The following FBXL13 variants were observed in gnomAD, a reference collection of about 807,000 sequenced individuals.
FBXL13 encodes the protein F-box and leucine rich repeat protein 13.
In FBXL13, 67 loss-of-function variants were observed where a neutral mutation model predicts 83.6. That is an observed-to-expected ratio of 0.80 (90% CI 0.66 to 0.98). The LOEUF is 0.98. FBXL13 is among the 50% of genes least tolerant of loss of function. FBXL13 has a pLI of 0.00. For missense variants in FBXL13, 822 were observed against 866.5 expected, an observed-to-expected ratio of 0.95 and a Z score of 0.64; for synonymous variants, 272 against 299.5, an observed-to-expected ratio of 0.91 and a Z score of 0.95.
chr7:103,004,406 C>A, intron 6 of FBXL13, among the ~76,000 whole-genome samples: 1 of 152,192 alleles, frequency 6.6e-6, no homozygotes, highest in Non-Finnish European at 1.5e-5. Flanking sequence ...GGTTTGTGCC[C>A]AGAGGACCCA....
chr7:102,825,801 C>T (rs188353965), intron 18 of FBXL13, among the ~76,000 whole-genome samples: 237 of 152,122 alleles, frequency 1.6e-3, no homozygotes, highest in African/African-American at 5.5e-3. Flanking sequence ...GGATCTTTTC[C>T]CACATTGTTT....
chr7:102,866,298 A>G (rs540139117), intron 16 of FBXL13, among the ~76,000 whole-genome samples: 2 of 152,264 alleles, frequency 1.3e-5, no homozygotes, highest in East Asian at 3.9e-4. Context: ...CAGTGTTTTT[A>G]GTAGGCACTT....
chr7:103,020,723 T>C (rs11981275), intron 6 of FBXL13, among the ~76,000 whole-genome samples: 1,687 of 152,170 alleles, frequency 0.011, 35 homozygotes, highest in African/African-American at 0.039. Flanking sequence ...TGAGTGAACT[T>C]CCATTCACAA....
At chr7:102,879,586 A>G (rs1313904034) in intron 14 of FBXL13, among the ~76,000 whole-genome samples, 1 of 152,162 alleles carries the variant, frequency 6.6e-6, no homozygotes, top group Non-Finnish European at 1.5e-5. Context: ...TATCAAAAGT[A>G]TCCATGCTGT....
intron 11 of FBXL13, among the ~76,000 whole-genome samples, chr7:102,904,372 A>T (rs1813418227): frequency 6.6e-6 from 1 of 150,740 alleles, no homozygotes; most frequent in South Asian, 2.1e-4. Context: ...ATTTATTTGG[A>T]TCTTCTCTCT....
At chr7:102,964,023 C>T (rs1294575553) in intron 7 of FBXL13, among the ~76,000 whole-genome samples, 1 of 152,126 alleles carries the variant, frequency 6.6e-6, no homozygotes, top group Non-Finnish European at 1.5e-5. Context: ...ATTGAAACCA[C>T]AATGAGGTCG....
At position 102,938,729 on chromosome 7, in the gene FBXL13, T is replaced by C. The variant is rs532899134; in HGVS notation, c.725-6796A>G. Among the ~76,000 whole-genome samples the C allele has an allele frequency of 2.0e-5, 3 of 152,332 alleles. 1 individual carries two copies. In the South Asian group the frequency reaches 6.2e-4, roughly 32 times the overall value. Reference sequence around the variant, plus strand: ...AAACACTTTGCATCAATATTTGCAATATTTGCAATTCTCATTGAAGTTCTA... The same window carrying C: ...AAACACTTTGCATCAATATTTGCAACATTTGCAATTCTCATTGAAGTTCTA... On this transcript the variant is annotated intron_variant, in intron 8 of 19. Coordinates refer to ENST00000313221, the Ensembl canonical transcript of FBXL13.
intron 1 of FBXL13, among the ~76,000 whole-genome samples, chr7:103,064,002 T>G (rs1205605095): frequency 6.6e-6 from 1 of 152,226 alleles, no homozygotes; most frequent in African/African-American, 2.4e-5. Flanking sequence ...TTTAACCCAG[T>G]GGCTTACTGA....
Position 103,060,047 on chromosome 7 carries a change from T to TACATATATATATACAC in FBXL13, c.-104-4301_-104-4300insGTGTATATATATATGT, listed in dbSNP as rs1563286524. ...ATATATATATATATATATATATATA[T>TACATATATATATACAC]ATATATATATATATATACTTTTTTT... is the stretch of plus-strand genomic sequence containing the variant. On this transcript the variant is annotated intron_variant, in intron 1 of 19. Coordinates refer to ENST00000313221, the Ensembl canonical transcript of FBXL13. 1.0e-3 allele frequency among the ~76,000 whole-genome samples: 107 copies of TACATATATATATACAC among 103,164 alleles called. 3 individuals carry two copies. The highest frequency in any genetic ancestry group is 4.4e-3 in the African/African-American group (106 of 23,988). The allele number at this position is 103,164 out of a possible 152,430, so 67.7% of individuals were successfully genotyped here.
chr7:103,033,012 AGAGT>A (rs1159229862), intron 2 of FBXL13, among the ~76,000 whole-genome samples: 1 of 152,138 alleles, frequency 6.6e-6, no homozygotes, highest in Non-Finnish European at 1.5e-5. Flanking sequence ...CCTGGGCAAC[AGAGT>A]GAGACTCTCT....
intron 8 of FBXL13, chr7:102,934,473 G>C (rs1057066): frequency 0.13 from 205,720 of 1,613,986 alleles, 14,466 homozygotes; most frequent in East Asian, 0.3. Context: ...CGGAATTTGG[G>C]GAACTACGCC....
At chr7:102,812,203 A>C (rs1797473312), downstream of FBXL13, among the ~76,000 whole-genome samples, 1 of 152,220 alleles carries the variant, frequency 6.6e-6, no homozygotes. Context: ...CATAATATCA[A>C]ATAATGGTAA....
At chr7:102,949,628 C>T (rs1476013075) in intron 8 of FBXL13, among the ~76,000 whole-genome samples, 2 of 152,092 alleles carry the variant, frequency 1.3e-5, no homozygotes, top group African/African-American at 4.8e-5. Flanking sequence ...TCTACTCAGG[C>T]TTGAATGCTC....
At chr7:102,966,229 G>C (rs901494488) in intron 7 of FBXL13, among the ~76,000 whole-genome samples, 3 of 152,152 alleles carry the variant, frequency 2.0e-5, no homozygotes, top group African/African-American at 7.2e-5. Context: ...ACTTTAGCCT[G>C]CATCAGAATC....
intron 16 of FBXL13, among the ~76,000 whole-genome samples, chr7:102,868,870 G>A (rs1271258587): frequency 6.6e-6 from 1 of 152,232 alleles, no homozygotes; most frequent in Admixed American, 6.5e-5. Flanking sequence ...GTTTCGCCAT[G>A]TTGGCCAGGC....
chr7:103,024,722 G>A (rs1793654383), intron 6 of FBXL13, among the ~76,000 whole-genome samples: 1 of 148,790 alleles, frequency 6.7e-6, no homozygotes, highest in Non-Finnish European at 1.5e-5. Flanking sequence ...GATAGGAGCA[G>A]GTAATTTGTA....
At chr7:102,926,524 A>T (rs959396777) in intron 9 of FBXL13, 150 bp from the exon 11 acceptor site, 2 of 603,080 alleles carry the variant, frequency 3.3e-6, no homozygotes, top group African/African-American at 3.8e-5. Flanking sequence ...TTAGGTTGAA[A>T]TGAAATTAAA....
At chr7:103,029,983 T>C (rs542273992) in intron 2 of FBXL13, 3 of 152,340 alleles carry the variant, frequency 2.0e-5, no homozygotes, top group African/African-American at 7.2e-5. Context: ...CTATACCTTC[T>C]GTGCATTCTT....
intron 6 of FBXL13, among the ~76,000 whole-genome samples, chr7:103,024,085 C>T (rs115934086): frequency 2.1e-5 from 3 of 142,468 alleles, no homozygotes; most frequent in Admixed American, 7.6e-5. Context: ...AATTTACCTA[C>T]ATATAACAAA....
Sources: gnomAD v4.1 joint callset for allele counts (sites outside exome capture counted in the v4.1 genomes callset) on GRCh38, gnomAD v4.1.1 for gene constraint, MANE v1.5 for transcripts, NCBI Gene and HGNC (gene_info 2026-07-23, HGNC 2026-07-21) for gene names.